The following UBN1 variants were observed in gnomAD, a reference collection of about 807,000 sequenced individuals.
The protein encoded by UBN1 is ubinuclein 1, also known as ubinuclein-1.
In UBN1, 17 loss-of-function variants were observed where a neutral mutation model predicts 108.5. That is an observed-to-expected ratio of 0.16 (90% CI 0.11 to 0.24). UBN1 has a LOEUF of 0.24. Ranked by LOEUF, UBN1 falls within the 10% of genes least tolerant of loss-of-function variation. UBN1 has a pLI of 1.00. For synonymous variants in UBN1, 726 were observed against 564.2 expected, an observed-to-expected ratio of 1.29 and a Z score of -4.07; for missense variants, 1,595 against 1,394.4, an observed-to-expected ratio of 1.14 and a Z score of -2.29.
At chr16:4,848,279 G>A (rs1039974310) in intron 1 of UBN1, 69 bp downstream of exon 1, 7 of 152,380 alleles carry the variant, frequency 4.6e-5, no homozygotes, top group African/African-American at 1.7e-4. Context: ...TGAAAAAGTT[G>A]TGACAACAGG....
intron 6 of UBN1, 152 bp from the exon 7 acceptor site, chr16:4,860,512 T>C: frequency 2.5e-6 from 2 of 807,152 alleles, no homozygotes; most frequent in Non-Finnish European, 4.0e-6. Context: ...AAGAACGAGC[T>C]CCATATGCCA....
chr16:4,853,088 A>G lies in UBN1; in HGVS notation c.171A>G (p.Lys57=). ...ITLTLFEPDH[K]RCPEFFYPEL... is the part of the protein sequence containing the mutation. ...TCACCCTCTTTGAACCAGATCACAAACGCTGCCCAGAGTTCTTCTACCCAG... is the reference window on the plus strand; with the variant it reads ...TCACCCTCTTTGAACCAGATCACAAGCGCTGCCCAGAGTTCTTCTACCCAG... The change falls in exon 2 of 18, where the codon AAA becomes AAG. Residue 57 remains lysine, a synonymous_variant. Transcript: ENST00000262376. 1 of 1,614,224 alleles carries G rather than the reference A, an allele frequency of 6.2e-7. No homozygotes were observed. Among genetic ancestry groups the G allele is most frequent in the Non-Finnish European group, 8.5e-7 (1 of 1,180,050 alleles).
At chr16:4,872,858 G>C (rs1485472414) in intron 12 of UBN1, 26 bp from the exon 13 acceptor site, 2 of 1,614,162 alleles carry the variant, frequency 1.2e-6, no homozygotes, top group Admixed American at 3.3e-5. Context: ...GGCATGTACA[G>C]ATGCCTGGTG....
chr16:4,871,230 G>T lies in UBN1; in HGVS notation c.1635G>T (p.Trp545Cys). 6.2e-7 allele frequency: 1 copy of T among 1,614,246 alleles called. No individual in the cohort carries two copies. Among genetic ancestry groups the T allele is most frequent in the South Asian group, 1.1e-5 (1 of 91,084 alleles). ...AGAGGAACAACAAAGCCCAGGCTTG[G>T]GAGGACTGTGTGAAGGGCTTTCTGG... ...DLERNNKAQAWEDCVKGFLDA... is the reference protein window; with the variant it reads ...DLERNNKAQACEDCVKGFLDA... Residue 545 changes from tryptophan to cysteine, a missense_variant, in exon 12 of 18, where the codon TGG (tryptophan) becomes TGT (cysteine). By Grantham distance (215) the Trp-to-Cys change is radical. Coordinates refer to ENST00000262376, the MANE Select transcript of UBN1 (RefSeq NM_001079514.3).
At chr16:4,871,385 G>C in intron 12 of UBN1, 84 bp downstream of exon 12, 1 of 1,536,966 alleles carries the variant, frequency 6.5e-7, no homozygotes, top group Non-Finnish European at 8.7e-7. Flanking sequence ...CAGGATCCTT[G>C]CTCACAGGGA....
At chr16:4,879,595 G>GT (rs2088019362) in intron 17 of UBN1, among the ~76,000 whole-genome samples, 1 of 152,240 alleles carries the variant, frequency 6.6e-6, no homozygotes, top group Admixed American at 6.5e-5. Flanking sequence ...CGAGATGCGA[G>GT]TAAGAAGCTA....
chr16:4,871,867 T>C (rs991781207), intron 12 of UBN1, among the ~76,000 whole-genome samples: 2 of 152,166 alleles, frequency 1.3e-5, no homozygotes, highest in African/African-American at 2.4e-5. Context: ...ATTACAGGCG[T>C]GAGCCACCAC....
In UBN1 at chr16:4,875,399, G is replaced by A. The variant is rs750464113; in HGVS notation, c.2989G>A (p.Ala997Thr). 6.2e-7 allele frequency: 1 copy of A among 1,613,618 alleles called. No homozygotes were observed. Among genetic ancestry groups the A allele is most frequent in the Non-Finnish European group, 8.5e-7 (1 of 1,179,694 alleles). The change falls in exon 15 of 18, where the codon GCA (alanine) becomes ACA (threonine). Residue 997 changes from alanine to threonine, a missense_variant. Ala to Thr is a moderately conservative substitution (Grantham distance 58). This residue lies in a region of UBN1 where 1,398 missense variants were observed against 1,194.7 expected (regional missense o/e 1.17). Transcript: ENST00000262376. ...LLTSPSLKPS[A>T]VSSVTSSTSL... is the part of the protein sequence containing the mutation. ...GACCTCGCCGTCCCTAAAGCCCTCTGCAGTTAGTAGTGTGACATCGTCTAC... is the reference window on the plus strand; with the variant it reads ...GACCTCGCCGTCCCTAAAGCCCTCTACAGTTAGTAGTGTGACATCGTCTAC...
chr16:4,865,155 T>C (rs1596499079), intron 7 of UBN1, among the ~76,000 whole-genome samples: 1 of 152,098 alleles, frequency 6.6e-6, no homozygotes, highest in East Asian at 1.9e-4. Context: ...CCCCATTTAT[T>C]TTTGGAAGAC....
At chr16:4,871,893 C>T (rs1321339375) in intron 12 of UBN1, among the ~76,000 whole-genome samples, 1 of 152,114 alleles carries the variant, frequency 6.6e-6, no homozygotes, top group African/African-American at 2.4e-5. Context: ...GCCACACTTC[C>T]TGTTTTAACA....
intron 12 of UBN1, chr16:4,872,213 T>C: frequency 7.1e-6 from 7 of 985,432 alleles, no homozygotes; most frequent in Non-Finnish European, 7.2e-6. Context: ...AGAACGTTTT[T>C]GTTGAGTTTC....
chr16:4,864,075 CTTTTTTTTTT>C (rs796516323), intron 7 of UBN1, among the ~76,000 whole-genome samples: 2 of 86,444 alleles, frequency 2.3e-5, no homozygotes, highest in South Asian at 4.2e-4. Context: ...TTGTTGTTGC[CTTTTTTTTTT>C]TTTTTTTTTT....
intron 3 of UBN1, 128 bp downstream of exon 3, chr16:4,858,204 A>G (rs2086898750): frequency 1.4e-6 from 1 of 724,922 alleles, no homozygotes; most frequent in African/African-American, 1.8e-5. Flanking sequence ...TGGAGAGAAG[A>G]GAAGCAGTTA....
chr16:4,873,261 C>T (rs1023168963), intron 14 of UBN1, among the ~76,000 whole-genome samples, 188 bp downstream of exon 14: 6 of 152,232 alleles, frequency 3.9e-5, no homozygotes, highest in African/African-American at 1.4e-4. Context: ...AGCCTTGGTT[C>T]TACAAACAGT....
chr16:4,859,433 G>A (rs1023721276), intron 5 of UBN1, among the ~76,000 whole-genome samples: 1 of 152,208 alleles, frequency 6.6e-6, no homozygotes, highest in African/African-American at 2.4e-5. Context: ...GCCTCAGGGT[G>A]GGAAGGCTGT....
chr16:4,877,052 C>G lies in UBN1; in HGVS notation c.3206C>G (p.Ser1069Cys). The change falls in exon 16 of 18, where the codon TCC (serine) becomes TGC (cysteine). Residue 1069 changes from serine to cysteine, a missense_variant. Transcript: ENST00000262376. The surrounding 1 kb of genome is among the most constrained non-coding windows in gnomAD (Gnocchi z 4.3). The part of the protein sequence containing the change: ...SADSSAKAGV[S>C]KDAIVTGPAP... ...GACTCCTCTGCCAAAGCAGGGGTCT[C>G]CAAGGATGCCATCGTCACAGGCCCT... 6.2e-7 allele frequency: 1 copy of G among 1,614,182 alleles called. No homozygotes were observed. The highest frequency in any genetic ancestry group is 8.5e-7 in the Non-Finnish European group (1 of 1,180,018).
In UBN1 at chr16:4,870,846, T is replaced by C; in HGVS notation, c.1433T>C (p.Met478Thr). ...QAHTQAKVAK[M>T]LEEEKDKEQR... ...ATGTAATTCTATTCACCCCGTAGGA[T>C]GCTGGAAGAGGAGAAAGACAAGGAG... The change falls in exon 11 of 18, where the codon ATG (methionine) becomes ACG (threonine). Residue 478 changes from methionine to threonine, a missense_variant and splice_region_variant. By Grantham distance (81) the Met-to-Thr change is moderately conservative. Around this residue, in one of 3 missense-constraint regions of UBN1, gnomAD observed 1,398 missense variants for 1,194.7 expected, o/e 1.17. Coordinates refer to ENST00000262376, the MANE Select transcript of UBN1 (RefSeq NM_001079514.3). 6.2e-7 allele frequency: 1 copy of C among 1,613,602 alleles called. No individual in the cohort carries two copies. Among genetic ancestry groups the C allele is most frequent in the Non-Finnish European group, 8.5e-7 (1 of 1,179,802 alleles).
Position 4,870,312 on chromosome 16 carries a change from C to T in UBN1, c.1282C>T (p.Arg428Cys), listed in dbSNP as rs765269659. ...LPCSKDALLKRARKLHLYEQG... is the reference protein window; with the variant it reads ...LPCSKDALLKCARKLHLYEQG... Reference sequence around the variant, plus strand: ...CTGCAGCAAGGATGCCCTGCTCAAGCGTGCTCGGAAACTTCACCTCTATGA... The same window carrying T: ...CTGCAGCAAGGATGCCCTGCTCAAGTGTGCTCGGAAACTTCACCTCTATGA... The change falls in exon 9 of 18, where the codon CGT (arginine) becomes TGT (cysteine). Residue 428 changes from arginine (R) to cysteine (C), a missense_variant. Coordinates refer to ENST00000262376, the MANE Select transcript of UBN1 (RefSeq NM_001079514.3). 12 of 1,614,084 alleles carry T rather than the reference C, an allele frequency of 7.4e-6. No individual in the cohort carries two copies. Among genetic ancestry groups the T allele is most frequent in the Admixed American group, 6.7e-5 (4 of 60,004 alleles).
rs2086251558 is a variant in UBN1, at chr16:4,847,509, A to T, written c.-741A>T. ...TCCTTCCCCCTCCCTTCGGCTCGTG[A>T]CAACGAAGCGCCCGCGGTCTGAGGC... On this transcript the variant is annotated 5_prime_UTR_variant, in exon 1 of 18. Coordinates refer to ENST00000262376, the MANE Select transcript of UBN1 (RefSeq NM_001079514.3). The T allele has an allele frequency of 7.6e-6, 4 of 522,888 alleles. No homozygotes were observed. 32.4% of individuals were successfully genotyped at this position (522,888 alleles called of 1,614,324 possible). A position where few individuals can be genotyped will look rare whatever the true frequency, so the allele number is the denominator to read the frequency against.
Sources: allele counts gnomAD v4.1 joint callset (sites outside exome capture counted in the v4.1 genomes callset), GRCh38; gene constraint gnomAD v4.1.1; regional missense constraint gnomAD v4.1.1; non-coding constraint Gnocchi (gnomAD v3.1); transcripts MANE v1.5; gene names NCBI Gene and HGNC (gene_info 2026-07-23, HGNC 2026-07-21).